ATAD2B: variants seen among roughly 807,000 people sequenced by gnomAD.
ATAD2B encodes the protein ATPase family AAA domain-containing protein 2B.
ATAD2B carries 40 observed loss-of-function variants against 167.6 expected under a neutral mutation model. The ratio of observed to expected loss-of-function variants is 0.24; its 90% CI spans 0.19 to 0.31. The LOEUF (loss-of-function observed/expected upper bound fraction) is 0.31. ATAD2B is among the 10% of genes least tolerant of loss of function. The probability of loss-of-function intolerance (pLI) is 1.00; values close to 1 mark genes in which losing one functional copy is unlikely to be tolerated. For synonymous variants in ATAD2B, 579 were observed against 596.5 expected, an observed-to-expected ratio of 0.97 and a Z score of 0.43; for missense variants, 1,242 against 1,757.2, an observed-to-expected ratio of 0.71 and a Z score of 5.24.
At chr2:23,726,541 G>A in the ATAD2B span, among the ~76,000 whole-genome samples, 1 of 152,106 alleles carries the variant, frequency 6.6e-6, no homozygotes, top group South Asian at 2.1e-4. Context: ...AGAGGCAGGA[G>A]GAAGGGGTTG....
At chr2:23,701,798 T>C in the ATAD2B span, among the ~76,000 whole-genome samples, 1,162 of 132,032 alleles carry the variant, frequency 8.8e-3, 88 homozygotes, top group African/African-American at 0.02. Flanking sequence ...TTTTGCTTTT[T>C]TTTTTTTTTT....
At chr2:23,708,874 C>T in the ATAD2B span, among the ~76,000 whole-genome samples, 1 of 152,194 alleles carries the variant, frequency 6.6e-6, no homozygotes, top group Non-Finnish European at 1.5e-5. Context: ...TCTTATTACA[C>T]TTGTGCAACT....
chr2:23,860,147 T>C (rs933539525), intron 12 of ATAD2B, among the ~76,000 whole-genome samples: 1 of 152,098 alleles, frequency 6.6e-6, no homozygotes, highest in African/African-American at 2.4e-5. Flanking sequence ...CCTTCTGCTA[T>C]GGATGCTGTC....
chr2:23,693,356 C>T, the ATAD2B span: 6 of 1,551,550 alleles, frequency 3.9e-6, no homozygotes, highest in African/African-American at 2.7e-5. Context: ...ATGGCCAAGG[C>T]CTTCGCGCTG....
chr2:23,915,523 C>A (rs1343757527), intron 1 of ATAD2B, among the ~76,000 whole-genome samples: 1 of 150,562 alleles, frequency 6.6e-6, no homozygotes, highest in Non-Finnish European at 1.5e-5. Flanking sequence ...AGCCATCCTT[C>A]CCTGCTCAGC....
intron 1 of ATAD2B, among the ~76,000 whole-genome samples, chr2:23,910,583 G>A (rs114186200): frequency 0.012 from 1,885 of 151,896 alleles, 35 homozygotes; most frequent in African/African-American, 0.043. Flanking sequence ...AAGAGATGGT[G>A]TCAGCTGGGT....
the ATAD2B span, chr2:23,689,058 TGTGTGGATGAGAACC>T: frequency 6.6e-6 from 1 of 152,596 alleles, no homozygotes; most frequent in Non-Finnish European, 1.5e-5. Context: ...CACGAAGGCC[TGTGTGGATGAGAACC>T]GTGTGTGTTG....
chr2:23,909,707 C>T (rs929927557), intron 1 of ATAD2B, among the ~76,000 whole-genome samples: 10 of 151,548 alleles, frequency 6.6e-5, no homozygotes, highest in Admixed American at 2.6e-4. Context: ...TTTCTGTGTA[C>T]GTACATATTA....
At chr2:23,770,531 ACTT>A (rs1489595405) in intron 22 of ATAD2B, among the ~76,000 whole-genome samples, 1 of 152,182 alleles carries the variant, frequency 6.6e-6, no homozygotes, top group African/African-American at 2.4e-5. Flanking sequence ...TTGTGAGTCA[ACTT>A]CTGCATACAA....
At chr2:23,709,712 C>A in the ATAD2B span, among the ~76,000 whole-genome samples, 1 of 151,936 alleles carries the variant, frequency 6.6e-6, no homozygotes. Context: ...TTGGCTGAGG[C>A]TTTATGGTGA....
chr2:23,715,377 T>A, the ATAD2B span, among the ~76,000 whole-genome samples: 1 of 152,072 alleles, frequency 6.6e-6, no homozygotes, highest in Non-Finnish European at 1.5e-5. Flanking sequence ...ATCGAGACCA[T>A]CCTGGCTGAC....
chr2:23,873,529 G>C (rs1419972120), intron 8 of ATAD2B, among the ~76,000 whole-genome samples: 1 of 152,078 alleles, frequency 6.6e-6, no homozygotes, highest in Non-Finnish European at 1.5e-5. Flanking sequence ...AAGACTTAAC[G>C]TAAGAGTTAC....
At chr2:23,795,538 A>G (rs889812243) in intron 19 of ATAD2B, among the ~76,000 whole-genome samples, 1 of 152,136 alleles carries the variant, frequency 6.6e-6, no homozygotes, top group African/African-American at 2.4e-5. Context: ...CCAAATATTT[A>G]TCAATATGTG....
At chr2:23,711,403 T>C in the ATAD2B span, among the ~76,000 whole-genome samples, 1 of 120,618 alleles carries the variant, frequency 8.3e-6, no homozygotes, top group Non-Finnish European at 1.6e-5. Flanking sequence ...TCTCACTCTG[T>C]TGCCCAGGCT....
intron 25 of ATAD2B, 70 bp downstream of exon 25, chr2:23,757,348 C>T (rs768423286): frequency 3.8e-5 from 44 of 1,169,372 alleles, no homozygotes; most frequent in Non-Finnish European, 4.9e-5. Context: ...TACTGGGAAC[C>T]AGATAAAATA....
intron 22 of ATAD2B, among the ~76,000 whole-genome samples, chr2:23,767,163 GCTCCACCCTGACTCATTCCGATTACCTA>G (rs1248011680): frequency 1.3e-5 from 2 of 150,942 alleles, no homozygotes; most frequent in Non-Finnish European, 3.0e-5. Context: ...CCAATTACCT[GCTCCACCCTGACTCATTCCGATTACCTA>G]CTCCACCCTA....
intron 23 of ATAD2B, among the ~76,000 whole-genome samples, chr2:23,763,504 G>A (rs778880973): frequency 2.0e-5 from 3 of 152,136 alleles, no homozygotes; most frequent in Non-Finnish European, 2.9e-5. Flanking sequence ...TGTCTCTATA[G>A]ACTTGCCTTT....
chr2:23,876,490 C>T (rs536917386), intron 7 of ATAD2B, among the ~76,000 whole-genome samples: 1 of 152,016 alleles, frequency 6.6e-6, no homozygotes, highest in African/African-American at 2.4e-5. Flanking sequence ...TTGGTAGAGA[C>T]GGGGTTTCAC....
downstream of ATAD2B, among the ~76,000 whole-genome samples, chr2:23,746,295 A>G (rs552384919): frequency 6.6e-6 from 1 of 152,204 alleles, no homozygotes; most frequent in African/African-American, 2.4e-5. Context: ...TGTGACCTTG[A>G]GCAAATTAAT....
Sources: gnomAD v4.1 joint callset for allele counts (sites outside exome capture counted in the v4.1 genomes callset) on GRCh38, gnomAD v4.1.1 for gene constraint, MANE v1.5 for transcripts, NCBI Gene and HGNC (gene_info 2026-07-23, HGNC 2026-07-21) for gene names.